Variants in RPH3AL observed in about 807,000 individuals in gnomAD.
RPH3AL encodes the protein rabphilin 3A like (without C2 domains).
Under a neutral mutation model 43.1 loss-of-function variants are expected in RPH3AL, and 38 were observed. The ratio of observed to expected loss-of-function variants is 0.88; its 90% confidence interval spans 0.68 to 1.15. The LOEUF (loss-of-function observed/expected upper bound fraction) is 1.15, where lower values mean the gene tolerates loss of function less well. Ranked by LOEUF, RPH3AL falls within the 50% of genes most tolerant of loss-of-function variation. The probability of loss-of-function intolerance (pLI) is 0.00; values close to 1 mark genes in which losing one functional copy is unlikely to be tolerated. For synonymous variants in RPH3AL, 189 were observed against 176.3 expected (o/e 1.07, Z -0.57); for missense variants, 462 against 423.2 (o/e 1.09, Z -0.81).
chr17:234,955 A>G (rs2041327794), intron 7 of RPH3AL, among the ~76,000 whole-genome samples: 1 of 152,246 alleles, frequency 6.6e-6, no homozygotes. Context: ...GCACCTCATT[A>G]AGAATGAATG....
At chr17:327,383 C>T (rs2044643437) in intron 3 of RPH3AL, 84 bp downstream of exon 3, 2 of 1,237,912 alleles carry the variant, frequency 1.6e-6, no homozygotes, top group Admixed American at 1.7e-5. Flanking sequence ...TTTCTGGGCC[C>T]CTGGGAATGA....
Position 333,058 on chromosome 17 carries a change from G to A in RPH3AL, c.-37+701C>T. On this transcript the variant is annotated intron_variant, in intron 2 of 9. Coordinates refer to ENST00000331302, the MANE Select transcript of RPH3AL (RefSeq NM_006987.4). This position sits in a 1 kb window ranked among gnomAD's most constrained non-coding sequence, Gnocchi z 4.5. The stretch of plus-strand genomic sequence containing the variant: ...GTAAAAACAACCCCTTCTTCCAGGA[G>A]GATGCAATTCTCTCTCTAAAGTCGA... The A allele has an allele frequency of 7.8e-7, 1 of 1,289,156 alleles. No homozygotes were observed. Among genetic ancestry groups the A allele is most frequent in the Non-Finnish European group, 1.0e-6 (1 of 988,696 alleles). The allele number at this position is 1,289,156 out of a possible 1,614,324, so 79.9% of individuals were successfully genotyped here. A position where few individuals can be genotyped will look rare whatever the true frequency, so the allele number is the denominator to read the frequency against.
rs1433935629 is a variant in RPH3AL at position 315,617 on chromosome 17, C to G, written c.351+3803G>C. On this transcript the variant is annotated intron_variant, in intron 5 of 9. Transcript: ENST00000331302. ...TGCTCCACCTCCACTGAACTCTAGT[C>G]CCTGTACTCCACCTCCACTGACCTG... 1.3e-3 allele frequency among the ~76,000 whole-genome samples: 196 copies of G among 148,730 alleles called. 1 individual carries two copies. Among genetic ancestry groups the G allele is most frequent in the African/African-American group, 4.9e-3 (189 of 38,760 alleles).
chr17:309,026 G>C (rs34830635), intron 5 of RPH3AL, among the ~76,000 whole-genome samples: 14,921 of 152,252 alleles, frequency 0.098, 936 homozygotes, highest in South Asian at 0.17. Flanking sequence ...GGCTGGCTGT[G>C]GTGGCTCAAG....
chr17:336,676 G>A (rs746903834), intron 1 of RPH3AL, among the ~76,000 whole-genome samples: 1 of 152,118 alleles, frequency 6.6e-6, no homozygotes, highest in Non-Finnish European at 1.5e-5. Flanking sequence ...AGAAACCTTC[G>A]GTGGCTCCCC....
chr17:216,577 C>T (rs1173549223), intron 8 of RPH3AL, among the ~76,000 whole-genome samples: 3 of 151,624 alleles, frequency 2.0e-5, no homozygotes, highest in Admixed American at 6.6e-5. Context: ...GGGTGTGGAG[C>T]GAGGGGACAA....
In RPH3AL at chr17:289,088, AG is replaced by A. The variant is rs2042987547; in HGVS notation, c.352-7235del. On this transcript the variant is annotated intron_variant, in intron 5 of 9. Coordinates refer to ENST00000331302, the MANE Select transcript of RPH3AL (RefSeq NM_006987.4). The surrounding 1 kb of genome is among the most constrained non-coding windows in gnomAD (Gnocchi z 5.2). ...CACAGGCTTTGGGGCAGGAGAGAGC[AG>A]GGTGTGCCGTTTAGAGGTGAACTTG... Among the ~76,000 whole-genome samples, 1 of 152,138 alleles carries A rather than the reference AG, an allele frequency of 6.6e-6. No homozygotes were observed. The highest frequency in any genetic ancestry group is 2.4e-5 in the African/African-American group (1 of 41,422).
intron 5 of RPH3AL, among the ~76,000 whole-genome samples, chr17:304,669 A>AC (rs1442358830): frequency 6.6e-6 from 1 of 152,080 alleles, no homozygotes; most frequent in African/African-American, 2.4e-5. Context: ...CCACAGGAGA[A>AC]CCAATGAGCC....
At chr17:279,817 G>C (rs2042735948) in intron 6 of RPH3AL, among the ~76,000 whole-genome samples, 1 of 152,188 alleles carries the variant, frequency 6.6e-6, no homozygotes, top group Admixed American at 6.5e-5. Flanking sequence ...CAGGTTCAAA[G>C]GGGAGATTTC....
intron 7 of RPH3AL, among the ~76,000 whole-genome samples, chr17:236,405 T>C (rs1220431606): frequency 1.3e-5 from 2 of 152,254 alleles, no homozygotes; most frequent in African/African-American, 4.8e-5. Flanking sequence ...CTGGGAGAAG[T>C]GGCCTTAGCT....
At chr17:310,312 G>A (rs1325118026) in intron 5 of RPH3AL, among the ~76,000 whole-genome samples, 1 of 152,186 alleles carries the variant, frequency 6.6e-6, no homozygotes, top group Non-Finnish European at 1.5e-5. Flanking sequence ...CAGCTCCGAG[G>A]ACCGGCATCT....
At chr17:236,816 G>A (rs544694703) in intron 7 of RPH3AL, among the ~76,000 whole-genome samples, 82 of 152,380 alleles carry the variant, frequency 5.4e-4, no homozygotes, top group African/African-American at 1.9e-3. Flanking sequence ...AGTGAGCGTC[G>A]AGAACTGAGC....
At chr17:312,803 C>A (rs149784509) in intron 5 of RPH3AL, among the ~76,000 whole-genome samples, 2 of 152,202 alleles carry the variant, frequency 1.3e-5, no homozygotes, top group African/African-American at 4.8e-5. Context: ...ACCGCGCCAC[C>A]GTGGCCAAGC....
rs551078565 is a variant in RPH3AL, at chr17:292,857, G to A, written c.352-11003C>T. Among the ~76,000 whole-genome samples the A allele has an allele frequency of 9.9e-4, 151 of 152,312 alleles. 2 individuals carry two copies. The highest frequency in any genetic ancestry group is 6.9e-4 in the Non-Finnish European group (47 of 68,024). On this transcript the variant is annotated intron_variant, in intron 5 of 9. Coordinates refer to ENST00000331302, the MANE Select transcript of RPH3AL (RefSeq NM_006987.4). ...CACGCCGAGCCCTGGACCTTACCCC[G>A]ACTACCCACAAATACCAAGTCACAG...
intron 5 of RPH3AL, among the ~76,000 whole-genome samples, chr17:301,740 G>A (rs1368319959): frequency 6.6e-6 from 1 of 152,134 alleles, no homozygotes; most frequent in Admixed American, 6.5e-5. Context: ...CGCCCGGCCT[G>A]TAGGCAAAGT....
rs1295649590 is a variant in RPH3AL, at chr17:213,687, G to T, written c.*165C>A. ...CAGACAGCTCCCCAGGAGAGAAGGG[G>T]TGCAGAAAGGCACTGAGCTGGGGAG... On this transcript the variant is annotated 3_prime_UTR_variant, in exon 10 of 10. Coordinates refer to ENST00000331302, the MANE Select transcript of RPH3AL (RefSeq NM_006987.4). 1.4e-5 allele frequency: 9 copies of T among 655,130 alleles called. No individual in the cohort carries two copies. Among genetic ancestry groups the T allele is most frequent in the East Asian group, 8.2e-5 (3 of 36,686 alleles). The allele number at this position is 655,130 out of a possible 1,614,324, so 40.6% of individuals were successfully genotyped here.
At chr17:315,849 T>G (rs2044101500) in intron 5 of RPH3AL, among the ~76,000 whole-genome samples, 1 of 151,592 alleles carries the variant, frequency 6.6e-6, no homozygotes, top group Non-Finnish European at 1.5e-5. Context: ...CCACCTCCAT[T>G]GACCTGTAGT....
At chr17:244,707 A>C (rs1236441503) in intron 7 of RPH3AL, among the ~76,000 whole-genome samples, 1 of 152,184 alleles carries the variant, frequency 6.6e-6, no homozygotes, top group South Asian at 2.1e-4. Context: ...CTGCAAGAGC[A>C]TGGGGCCACT....
chr17:270,305 A>C (rs971209960), intron 6 of RPH3AL, among the ~76,000 whole-genome samples: 8 of 152,220 alleles, frequency 5.3e-5, no homozygotes, highest in Non-Finnish European at 1.2e-4. Flanking sequence ...AACAGCATGG[A>C]GAAACAGATG....
Sources: gnomAD v4.1 joint callset for allele counts (sites outside exome capture counted in the v4.1 genomes callset) on GRCh38, gnomAD v4.1.1 for gene constraint, Gnocchi (gnomAD v3.1) non-coding constraint, MANE v1.5 for transcripts, NCBI Gene and HGNC (gene_info 2026-07-23, HGNC 2026-07-21) for gene names.